Variants in GPM6B observed in about 807,000 individuals in gnomAD.
GPM6B encodes glycoprotein M6B, also known as neuronal membrane glycoprotein M6-b.
Under a neutral mutation model 27.2 loss-of-function variants are expected in GPM6B, and 4 were observed. The ratio of observed to expected loss-of-function variants is 0.15; its 90% CI spans 0.07 to 0.34. The LOEUF is 0.34. GPM6B is among the 10% of genes least tolerant of loss of function. The pLI, the probability that GPM6B is intolerant of heterozygous loss-of-function variation, is 1.00. For synonymous variants in GPM6B, 124 were observed against 103.1 expected, an observed-to-expected ratio of 1.20 and a Z score of -1.23; for missense variants, 183 against 261.9, an observed-to-expected ratio of 0.70 and a Z score of 2.08.
Position 13,861,005 on chromosome X carries a change from TACACACACACAC to T in GPM6B, c.-197-75209_-197-75198del, listed in dbSNP as rs55808485. 7.7e-3 allele frequency among the ~76,000 whole-genome samples: 613 copies of T among 79,373 alleles called. 1 individual carries two copies. The highest frequency in any genetic ancestry group is 0.013 in the Admixed American group (97 of 7,353). The allele number at this position is 79,373 out of a possible 115,157, so 68.9% of individuals were successfully genotyped here. On this transcript the variant is annotated intron_variant, in intron 1 of 6. Coordinates refer to the GPM6B transcript ENST00000398361. ...GAGTATTCCACAGAATGAATGTGCA[TACACACACACAC>T]ACACACACACACACACACACACACA...
intron 1 of GPM6B, among the ~76,000 whole-genome samples, chrX:13,833,781 G>T (rs1010932892): frequency 4.5e-5 from 5 of 112,084 alleles, no homozygotes; most frequent in African/African-American, 1.6e-4. Context: ...ACAATTTGAG[G>T]TCAGTTAGTC....
chrX:13,833,264 GT>G (rs2049458203), intron 1 of GPM6B, among the ~76,000 whole-genome samples: 1 of 111,548 alleles, frequency 9.0e-6, no homozygotes, highest in Non-Finnish European at 1.9e-5. Context: ...ATGACATACT[GT>G]ATTGCCGAAA....
At chrX:13,926,894 CAT>C (rs1332461898) in intron 1 of GPM6B, among the ~76,000 whole-genome samples, 2 of 110,734 alleles carry the variant, frequency 1.8e-5, no homozygotes, top group Admixed American at 1.9e-4. Flanking sequence ...AAGCACAAGT[CAT>C]AAAAAATTAA....
chrX:13,867,784 T>C (rs953354917), intron 1 of GPM6B, among the ~76,000 whole-genome samples: 1 of 111,556 alleles, frequency 9.0e-6, no homozygotes, highest in African/African-American at 3.3e-5. Flanking sequence ...AGCAACCAAA[T>C]GCATGATTTC....
At chrX:13,813,231 A>C (rs1466171500) in intron 1 of GPM6B, among the ~76,000 whole-genome samples, 1 of 111,121 alleles carries the variant, frequency 9.0e-6, no homozygotes, top group Non-Finnish European at 1.9e-5. Context: ...TTTTCTTCCT[A>C]AACGAAAAAT....
At chrX:13,802,717 A>C (rs1603021233) in intron 2 of GPM6B, among the ~76,000 whole-genome samples, 1 of 111,811 alleles carries the variant, frequency 8.9e-6, no homozygotes, top group East Asian at 2.8e-4. Flanking sequence ...AATCTCAGGG[A>C]CTTTACGGCA....
Position 13,805,049 on chromosome X carries a change from C to T in GPM6B, c.181+2601G>A, listed in dbSNP as rs775932897. On this transcript the variant is annotated intron_variant, in intron 2 of 7. Transcript: ENST00000316715. ...GACAGCTCCAGACATTAACAGTCCC[C>T]GTGGAGGCATCTTTTTTCCAATTAT... is the stretch of plus-strand genomic sequence containing the variant. Among the ~76,000 whole-genome samples the T allele has an allele frequency of 2.7e-5, 3 of 111,505 alleles. No homozygotes were observed. In the South Asian group the frequency reaches 1.1e-3, roughly 42 times the overall value.
intron 1 of GPM6B, among the ~76,000 whole-genome samples, chrX:13,837,571 C>G (rs1414416982): frequency 1.8e-5 from 2 of 111,229 alleles, no homozygotes; most frequent in African/African-American, 3.3e-5. Flanking sequence ...ATGCCACCTT[C>G]TCCTCTCTTT....
At chrX:13,868,336 C>CA (rs2049941200) in intron 1 of GPM6B, among the ~76,000 whole-genome samples, 1 of 111,552 alleles carries the variant, frequency 9.0e-6, no homozygotes, top group Non-Finnish European at 1.9e-5. Context: ...AACACCTCAG[C>CA]AAAAAGTAAG....
intron 1 of GPM6B, among the ~76,000 whole-genome samples, chrX:13,856,693 TTTTTTTTTTTATTA>T (rs1419082891): frequency 5.5e-5 from 5 of 90,599 alleles, no homozygotes; most frequent in Non-Finnish European, 6.7e-5. Context: ...TGCACCTTTA[TTTTTTTTTTTATTA>T]TTTTTTTTTT....
At chrX:13,921,576 C>CA (rs1920974928) in intron 1 of GPM6B, among the ~76,000 whole-genome samples, 1 of 59,770 alleles carries the variant, frequency 1.7e-5, no homozygotes, top group Admixed American at 1.5e-4. Context: ...TTTATAACCC[C>CA]CCCCCTTTTT....
intron 1 of GPM6B, among the ~76,000 whole-genome samples, chrX:13,808,777 G>A (rs745494461): frequency 8.9e-5 from 10 of 111,755 alleles, no homozygotes; most frequent in Admixed American, 1.9e-4. Context: ...ACCTACTAAA[G>A]CCACAGTGTG....
At chrX:13,805,380 CTGA>C (rs2049003210) in intron 2 of GPM6B, among the ~76,000 whole-genome samples, 1 of 111,945 alleles carries the variant, frequency 8.9e-6, no homozygotes, top group Non-Finnish European at 1.9e-5. Flanking sequence ...AAAATCTCAC[CTGA>C]ATGGACAAGG....
chrX:13,923,794 C>G (rs1822618033), intron 1 of GPM6B, among the ~76,000 whole-genome samples: 2 of 112,108 alleles, frequency 1.8e-5, no homozygotes, highest in Admixed American at 9.5e-5. Flanking sequence ...TGAATGTAAA[C>G]TTGGTCTTTG....
intron 3 of GPM6B, 82 bp from the exon 4 acceptor site, chrX:13,783,603 T>C (rs1055139461): frequency 9.6e-5 from 78 of 808,842 alleles, no homozygotes; most frequent in Non-Finnish European, 1.3e-4. Flanking sequence ...AGAGAGGACA[T>C]GAGGGGGATG....
chrX:13,782,962 GGTAA>G (rs768806394), intron 4 of GPM6B, among the ~76,000 whole-genome samples: 7 of 111,043 alleles, frequency 6.3e-5, no homozygotes, highest in Non-Finnish European at 1.3e-4. Flanking sequence ...AGCAGGTACT[GGTAA>G]GTATTTACAG....
intron 2 of GPM6B, among the ~76,000 whole-genome samples, chrX:13,787,602 T>C (rs2048637651): frequency 8.9e-6 from 1 of 112,248 alleles, no homozygotes; most frequent in Non-Finnish European, 1.9e-5. Flanking sequence ...TCAAGTTCAC[T>C]AGCAAGTCAG....
intron 1 of GPM6B, among the ~76,000 whole-genome samples, chrX:13,874,139 C>A (rs923034548): frequency 8.9e-6 from 1 of 111,909 alleles, no homozygotes; most frequent in South Asian, 3.7e-4. Context: ...CAGTCAAAAT[C>A]TTTAACAGTT....
At chrX:13,878,391 G>A (rs1236513838) in intron 1 of GPM6B, among the ~76,000 whole-genome samples, 1 of 110,993 alleles carries the variant, frequency 9.0e-6, no homozygotes, top group Non-Finnish European at 1.9e-5. Flanking sequence ...AGGGGTCTGG[G>A]AGTGAGAAGC....
Sources: allele counts gnomAD v4.1 joint callset (sites outside exome capture counted in the v4.1 genomes callset), GRCh38; gene constraint gnomAD v4.1.1; transcripts MANE v1.5; gene names NCBI Gene and HGNC (gene_info 2026-07-23, HGNC 2026-07-21).